RUBCN: variants seen among roughly 807,000 people sequenced by gnomAD.
RUBCN encodes rubicon autophagy regulator.
RUBCN carries 74 observed loss-of-function variants against 113.2 expected under a neutral mutation model. The observed-to-expected ratio is 0.65, with a 90% CI of 0.54 to 0.79. The LOEUF (loss-of-function observed/expected upper bound fraction) is 0.79, where lower values mean the gene tolerates loss of function less well. Ranked by LOEUF, RUBCN falls within the 30% of genes least tolerant of loss-of-function variation. RUBCN has a pLI of 0.00. For missense variants in RUBCN, 1,109 were observed against 1,251.7 expected (o/e 0.89, Z 1.72); for synonymous variants, 480 against 490.0 (o/e 0.98, Z 0.27).
chr3:197,747,295 G>T (rs1728787498), intron 1 of RUBCN, among the ~76,000 whole-genome samples: 1 of 152,000 alleles, frequency 6.6e-6, no homozygotes, highest in Non-Finnish European at 1.5e-5. Flanking sequence ...CAACAGCTAG[G>T]ACTGTTTAAT....
chr3:197,740,102 C>T (rs1219018024), upstream of RUBCN, among the ~76,000 whole-genome samples: 1 of 152,134 alleles, frequency 6.6e-6, no homozygotes, highest in East Asian at 1.9e-4. Context: ...CAGGCTTTTT[C>T]TCATATGTCC....
At chr3:197,746,740 G>T (rs914001118) in intron 1 of RUBCN, among the ~76,000 whole-genome samples, 1 of 152,142 alleles carries the variant, frequency 6.6e-6, no homozygotes, top group African/African-American at 2.4e-5. Context: ...TGTGTGAAAC[G>T]AAGTCTTTTA....
At chr3:197,734,982 A>G (rs1580401668) in intron 1 of RUBCN, among the ~76,000 whole-genome samples, 1 of 152,372 alleles carries the variant, frequency 6.6e-6, no homozygotes, top group East Asian at 1.9e-4. Context: ...GTCTTCACCC[A>G]GGAACATCTC....
chr3:197,680,506 G>A (rs1425441954), intron 16 of RUBCN, among the ~76,000 whole-genome samples: 5 of 151,942 alleles, frequency 3.3e-5, no homozygotes, highest in African/African-American at 1.2e-4. Flanking sequence ...CTCGACAAGT[G>A]GCTTCAGACT....
chr3:197,736,613 G>A (rs1458264928), intron 1 of RUBCN, 42 bp downstream of exon 1: 2 of 1,528,376 alleles, frequency 1.3e-6, no homozygotes, highest in East Asian at 4.9e-5. Flanking sequence ...CGGGGCTCCG[G>A]CGCCTGTCGC....
chr3:197,728,734 G>C (rs969337644), intron 1 of RUBCN, among the ~76,000 whole-genome samples: 1 of 152,186 alleles, frequency 6.6e-6, no homozygotes, highest in African/African-American at 2.4e-5. Context: ...AATTCAGAAC[G>C]TAATGGGGGA....
At chr3:197,689,660 T>C (rs902206330) in intron 11 of RUBCN, among the ~76,000 whole-genome samples, 3 of 152,200 alleles carry the variant, frequency 2.0e-5, no homozygotes, top group Non-Finnish European at 4.4e-5. Flanking sequence ...TAATTACTTT[T>C]ATTTCTCTAA....
chr3:197,730,128 G>A (rs1560470300), intron 1 of RUBCN, among the ~76,000 whole-genome samples: 1 of 152,212 alleles, frequency 6.6e-6, no homozygotes, highest in South Asian at 2.1e-4. Flanking sequence ...TGGGTCTACA[G>A]TGAATAAACT....
In RUBCN at chr3:197,670,556, G is replaced by T. The variant is rs1488422231; in HGVS notation, c.*4462C>A. On this transcript the variant is annotated 3_prime_UTR_variant, in exon 20 of 20. Transcript: ENST00000296343. The stretch of plus-strand genomic sequence containing the variant: ...GGCTTCCTGTGAACTACACCAGTTT[G>T]TAACAATGAACAAAAGGGCCTTAGA... 2.0e-5 allele frequency among the ~76,000 whole-genome samples: 3 copies of T among 152,184 alleles called. No homozygotes were observed. Among genetic ancestry groups the T allele is most frequent in the African/African-American group, 7.2e-5 (3 of 41,452 alleles).
intron 8 of RUBCN, among the ~76,000 whole-genome samples, chr3:197,696,611 TAG>T (rs1316793971): frequency 1.3e-5 from 2 of 152,158 alleles, no homozygotes. Context: ...GATTTCCACA[TAG>T]AGTCTGTCTG....
At chr3:197,739,027 C>T (rs1168191587), upstream of RUBCN, among the ~76,000 whole-genome samples, 2 of 151,422 alleles carry the variant, frequency 1.3e-5, no homozygotes, top group Non-Finnish European at 2.9e-5. Context: ...AGTGCAATGG[C>T]GCGATCGGGT....
At position 197,669,204 on chromosome 3, in the gene RUBCN, C is replaced by G. The variant is rs1176706330; in HGVS notation, c.*5814G>C. On this transcript the variant is annotated 3_prime_UTR_variant, in exon 20 of 20. Transcript: ENST00000296343. ...CTGTAGTACTGGACATTTCCCAAAA[C>G]TAAGGAACCAACATTGGTATGTTAC... Among the ~76,000 whole-genome samples the G allele has an allele frequency of 3.3e-5, 5 of 152,220 alleles. No homozygotes were observed. In the East Asian group the frequency reaches 9.6e-4, roughly 29 times the overall value.
chr3:197,706,940 G>C (rs986837001), intron 2 of RUBCN, among the ~76,000 whole-genome samples: 1 of 152,188 alleles, frequency 6.6e-6, no homozygotes, highest in African/African-American at 2.4e-5. Flanking sequence ...TAGTGCGGCA[G>C]GGACTCTGGT....
chr3:197,727,471 C>A (rs1187218396), intron 1 of RUBCN, among the ~76,000 whole-genome samples: 1 of 152,184 alleles, frequency 6.6e-6, no homozygotes, highest in Non-Finnish European at 1.5e-5. Flanking sequence ...AGAATAAAGC[C>A]TTCTTACCCA....
chr3:197,672,925 T>A lies in RUBCN; in HGVS notation c.*2093A>T. ...CCAGGCTGGTCTCAAACTCCTGACCTCATGATCCGCCCGCACTGGCCTCCC... is the reference window on the plus strand; with the variant it reads ...CCAGGCTGGTCTCAAACTCCTGACCACATGATCCGCCCGCACTGGCCTCCC... On this transcript the variant is annotated 3_prime_UTR_variant, in exon 20 of 20. Transcript: ENST00000296343. 6.6e-6 allele frequency: 1 copy of A among 152,456 alleles called. No individual in the cohort carries two copies. Among genetic ancestry groups the A allele is most frequent in the Non-Finnish European group, 1.5e-5 (1 of 68,120 alleles). The allele number at this position is 152,456 out of a possible 1,614,324, so 9.4% of individuals were successfully genotyped here.
intron 11 of RUBCN, among the ~76,000 whole-genome samples, chr3:197,692,874 T>C (rs1009833647): frequency 6.6e-6 from 1 of 152,218 alleles, no homozygotes; most frequent in African/African-American, 2.4e-5. Flanking sequence ...TCAAAGCCTC[T>C]TGCAACACAA....
chr3:197,693,264 A>G (rs1722633926), intron 11 of RUBCN, among the ~76,000 whole-genome samples: 2 of 152,226 alleles, frequency 1.3e-5, no homozygotes, highest in African/African-American at 4.8e-5. Flanking sequence ...CAGAAATTCA[A>G]GCTCTACTTT....
intron 1 of RUBCN, among the ~76,000 whole-genome samples, chr3:197,742,281 T>A (rs1580422471): frequency 6.6e-6 from 1 of 152,018 alleles, no homozygotes; most frequent in Non-Finnish European, 1.5e-5. Flanking sequence ...TCGCTTGAGG[T>A]CAGAAGTTCG....
intron 1 of RUBCN, among the ~76,000 whole-genome samples, chr3:197,742,117 G>A (rs921713560): frequency 3.1e-4 from 47 of 151,786 alleles, no homozygotes; most frequent in African/African-American, 1.1e-3. Flanking sequence ...GGATGGTTTC[G>A]ATCTCCTGAC....
Sources: gnomAD v4.1 joint callset for allele counts (sites outside exome capture counted in the v4.1 genomes callset) on GRCh38, gnomAD v4.1.1 for gene constraint, MANE v1.5 for transcripts, NCBI Gene and HGNC (gene_info 2026-07-23, HGNC 2026-07-21) for gene names.